EXPH5: variants seen among roughly 807,000 people sequenced by gnomAD.
EXPH5 encodes exophilin 5, also known as exophilin-5.
Under a neutral mutation model 41.1 loss-of-function variants are expected in EXPH5, and 42 were observed. The observed-to-expected ratio is 1.02, with a 90% CI of 0.80 to 1.32. EXPH5 has a LOEUF of 1.32. Among genes scored for constraint, EXPH5 ranks in the 40% most tolerant of loss-of-function variants. The pLI is 0.00. For missense variants in EXPH5, 2,298 were observed against 2,314.5 expected (o/e 0.99, Z 0.15); for synonymous variants, 798 against 833.5 (o/e 0.96, Z 0.73).
chr11:108,510,910 G>C lies in EXPH5; in HGVS notation c.4597C>G (p.Leu1533Val), dbSNP rs571085648. ...GGTAATTCTCTTGGTTCAGACTGCA[G>C]ACTCTCTAAGTTTGGTTCATCTGAC... The part of the protein sequence containing the change: ...TQSDEPNLES[L>V]QSEPRELPQR... Residue 1533 changes from leucine to valine, a missense_variant, in exon 6 of 6, where the codon CTG becomes GTG. Coordinates refer to ENST00000265843, the MANE Select transcript of EXPH5 (RefSeq NM_015065.3). 1 of 1,614,180 alleles carries C rather than the reference G, an allele frequency of 6.2e-7. No homozygotes were observed. The highest frequency in any genetic ancestry group is 1.1e-5 in the South Asian group (1 of 91,064).
intron 3 of EXPH5, chr11:108,538,155 C>A: frequency 1.0e-6 from 1 of 985,562 alleles, no homozygotes; most frequent in Non-Finnish European, 1.2e-6. Flanking sequence ...AACCCACCAG[C>A]TGCTTGCTGC....
chr11:108,540,357 A>G (rs779860657), intron 2 of EXPH5, among the ~76,000 whole-genome samples: 5 of 152,056 alleles, frequency 3.3e-5, no homozygotes, highest in Non-Finnish European at 5.9e-5. Context: ...AACAAAATCC[A>G]TAATATTATA....
intron 3 of EXPH5, among the ~76,000 whole-genome samples, chr11:108,532,865 C>T (rs140639782): frequency 1.8e-3 from 269 of 152,246 alleles, no homozygotes; most frequent in Non-Finnish European, 2.9e-3. Flanking sequence ...GGAGCCCTAC[C>T]TGGACTTTGT....
intron 1 of EXPH5, among the ~76,000 whole-genome samples, chr11:108,546,945 G>A: frequency 6.6e-6 from 1 of 151,530 alleles, no homozygotes; most frequent in East Asian, 2.0e-4. Context: ...TGGGACTACA[G>A]GCACGTGCCA....
intron 1 of EXPH5, among the ~76,000 whole-genome samples, chr11:108,580,257 T>C (rs925610583): frequency 2.0e-5 from 3 of 152,148 alleles, no homozygotes; most frequent in African/African-American, 7.2e-5. Context: ...GAATAGACAC[T>C]TCTCAAAAGA....
chr11:108,568,959 C>T (rs1051295240), intron 1 of EXPH5, among the ~76,000 whole-genome samples: 1 of 152,140 alleles, frequency 6.6e-6, no homozygotes, highest in African/African-American at 2.4e-5. Context: ...ATTTCAGTGG[C>T]TCCTCCTCCC....
chr11:108,522,603 C>T lies in EXPH5; in HGVS notation c.493-4230G>A, dbSNP rs989222622. Among the ~76,000 whole-genome samples, 3 of 152,140 alleles carry T rather than the reference C, an allele frequency of 2.0e-5. No homozygotes were observed. The East Asian group carries it at 5.8e-4, about 29-fold the overall frequency. ...CTCTTGGCTTATTAGTGCATTAAAT[C>T]CTTGTAGCAGGCATTCTCTGAAGCC... On this transcript the variant is annotated intron_variant, in intron 4 of 5. Coordinates refer to ENST00000265843, the MANE Select transcript of EXPH5 (RefSeq NM_015065.3).
intron 1 of EXPH5, among the ~76,000 whole-genome samples, chr11:108,592,052 CT>C (rs764209955): frequency 7.9e-4 from 120 of 152,300 alleles, no homozygotes; most frequent in Admixed American, 1.6e-3. Context: ...AATTCTTCTT[CT>C]GAAAGTTGGG....
the EXPH5 span, among the ~76,000 whole-genome samples, chr11:108,606,068 G>A: frequency 1.3e-5 from 2 of 152,102 alleles, no homozygotes; most frequent in African/African-American, 2.4e-5. Flanking sequence ...TCACTCTGTT[G>A]CTCAGGCTGG....
intron 1 of EXPH5, among the ~76,000 whole-genome samples, chr11:108,556,023 GAACAAAATTCC>G (rs2136068194): frequency 6.6e-6 from 1 of 152,256 alleles, no homozygotes; most frequent in East Asian, 1.9e-4. Flanking sequence ...GATGGCCAAA[GAACAAAATTCC>G]AACAAAATGA....
the EXPH5 span, among the ~76,000 whole-genome samples, chr11:108,599,345 T>C: frequency 6.6e-6 from 1 of 152,256 alleles, no homozygotes; most frequent in Non-Finnish European, 1.5e-5. Flanking sequence ...TTAATATCAT[T>C]CTAAAGTTCT....
intron 1 of EXPH5, among the ~76,000 whole-genome samples, chr11:108,564,143 C>T (rs1216740723): frequency 6.6e-6 from 1 of 151,984 alleles, no homozygotes; most frequent in Non-Finnish European, 1.5e-5. Context: ...AATAAATTAG[C>T]TGGGCATGGT....
intron 1 of EXPH5, among the ~76,000 whole-genome samples, chr11:108,571,439 C>T (rs1274820268): frequency 6.6e-6 from 1 of 152,138 alleles, no homozygotes; most frequent in African/African-American, 2.4e-5. Flanking sequence ...GACAGACTCT[C>T]CTTGATGCAC....
At chr11:108,553,438 G>A (rs2093976798) in intron 1 of EXPH5, among the ~76,000 whole-genome samples, 1 of 152,118 alleles carries the variant, frequency 6.6e-6, no homozygotes, top group South Asian at 2.1e-4. Flanking sequence ...TCAGACTTAG[G>A]GTTTAAGTGT....
Position 108,532,122 on chromosome 11 carries a change from G to A in EXPH5, c.444-3938C>T, listed in dbSNP as rs564635990. ...TTTCTGCATTCATAAAGCCCTGTATGATCTAGTTCCTACATACTTTCCAGC... is the reference window on the plus strand; with the variant it reads ...TTTCTGCATTCATAAAGCCCTGTATAATCTAGTTCCTACATACTTTCCAGC... On this transcript the variant is annotated intron_variant, in intron 3 of 5. Coordinates refer to ENST00000265843, the MANE Select transcript of EXPH5 (RefSeq NM_015065.3). 3.3e-5 allele frequency among the ~76,000 whole-genome samples: 5 copies of A among 150,326 alleles called. No homozygotes were observed. The South Asian group carries it at 1.1e-3, about 32-fold the overall frequency.
chr11:108,511,376 A>T lies in EXPH5; in HGVS notation c.4131T>A (p.Gly1377=). The part of the protein sequence containing the change: ...FSDNLAKTPL[G]DSENKKERGK... ...CTCTTTCCTTCTTGTTTTCTGAATC[A>T]CCTAGAGGTGTTTTAGCTAAATTAT... is the stretch of plus-strand genomic sequence containing the variant. The change falls in exon 6 of 6, where the codon GGT becomes GGA. Residue 1377 remains glycine (G), a synonymous_variant. Transcript: ENST00000265843. 1 of 1,590,780 alleles carries T rather than the reference A, an allele frequency of 6.3e-7. No individual in the cohort carries two copies. Among genetic ancestry groups the T allele is most frequent in the Non-Finnish European group, 8.5e-7 (1 of 1,171,482 alleles).
chr11:108,553,426 G>A (rs924376462), intron 1 of EXPH5, among the ~76,000 whole-genome samples: 1 of 152,142 alleles, frequency 6.6e-6, no homozygotes, highest in Non-Finnish European at 1.5e-5. Context: ...TCCACCCTGA[G>A]GTCAGACTTA....
upstream of EXPH5, among the ~76,000 whole-genome samples, chr11:108,596,769 T>C (rs150575300): frequency 3.2e-3 from 488 of 152,290 alleles, 1 homozygote; most frequent in Non-Finnish European, 4.7e-3. Flanking sequence ...TGTGGCACAA[T>C]GGGGCATACT....
At chr11:108,545,390 C>A (rs1489586968) in intron 1 of EXPH5, among the ~76,000 whole-genome samples, 1 of 152,072 alleles carries the variant, frequency 6.6e-6, no homozygotes, top group Non-Finnish European at 1.5e-5. Context: ...CAATGGTAAG[C>A]AAAGCAGATA....
Sources: gnomAD v4.1 joint callset for allele counts (sites outside exome capture counted in the v4.1 genomes callset) on GRCh38, gnomAD v4.1.1 for gene constraint, MANE v1.5 for transcripts, NCBI Gene and HGNC (gene_info 2026-07-23, HGNC 2026-07-21) for gene names.